The following ABL1 variants were observed in gnomAD, a reference collection of about 807,000 sequenced individuals.
The protein encoded by ABL1 is ABL proto-oncogene 1, non-receptor tyrosine kinase.
Under a neutral mutation model 94.7 loss-of-function variants are expected in ABL1, and 11 were observed. The observed-to-expected ratio is 0.12, with a 90% confidence interval of 0.07 to 0.19. The LOEUF is 0.19. Among genes scored for constraint, ABL1 ranks in the 10% least tolerant of loss-of-function variants. ABL1 has a pLI of 1.00. For synonymous variants in ABL1, 656 were observed against 622.4 expected, an observed-to-expected ratio of 1.05 and a Z score of -0.80; for missense variants, 1,082 against 1,489.4, an observed-to-expected ratio of 0.73 and a Z score of 4.50.
intron 1 of ABL1, among the ~76,000 whole-genome samples, chr9:130,780,324 C>CA (rs1008878955): frequency 1.3e-5 from 2 of 151,670 alleles, no homozygotes; most frequent in East Asian, 1.9e-4. Flanking sequence ...TGAACCACTT[C>CA]AAAAAAAAGC....
intron 1 of ABL1, among the ~76,000 whole-genome samples, chr9:130,764,170 G>T (rs1345667019): frequency 6.6e-6 from 1 of 152,122 alleles, no homozygotes; most frequent in East Asian, 1.9e-4. Flanking sequence ...GGTCAGAGAG[G>T]CCAGGACACA....
Position 130,872,924 on chromosome 9 carries a change from G to A in ABL1, c.972G>A (p.Leu324=), listed in dbSNP as rs1564318931. The A allele has an allele frequency of 1.2e-6, 2 of 1,614,048 alleles. No individual in the cohort carries two copies. The highest frequency in any genetic ancestry group is 1.3e-5 in the African/African-American group (1 of 74,930). The part of the protein sequence containing the change: ...ITEFMTYGNL[L]DYLRECNRQE... ...AGTTCATGACCTACGGGAACCTCCT[G>A]GACTACCTGAGGGAGTGCAACCGGC... Residue 324 remains leucine (L), a synonymous_variant, in exon 6 of 11, where the codon CTG becomes CTA. Coordinates refer to ENST00000318560, the MANE Select transcript of ABL1 (RefSeq NM_005157.6). This position sits in a 1 kb window ranked among gnomAD's most constrained non-coding sequence, Gnocchi z 5.0.
At chr9:130,761,887 A>G (rs2132750633) in intron 1 of ABL1, among the ~76,000 whole-genome samples, 1 of 152,342 alleles carries the variant, frequency 6.6e-6, no homozygotes, top group African/African-American at 2.4e-5. Context: ...TCACACCTGT[A>G]ATCCCAGCAC....
At chr9:130,851,577 A>T (rs1564311264) in intron 1 of ABL1, among the ~76,000 whole-genome samples, 1 of 149,976 alleles carries the variant, frequency 6.7e-6, no homozygotes, top group East Asian at 1.9e-4. Context: ...TTAAAAGATA[A>T]TTTTTTTTTT....
chr9:130,726,644 A>AT (rs1831590159), intron 1 of ABL1, among the ~76,000 whole-genome samples: 8 of 151,906 alleles, frequency 5.3e-5, no homozygotes, highest in Admixed American at 1.3e-4. Context: ...TACTTAAAAA[A>AT]ATTTTTTTTT....
intron 1 of ABL1, among the ~76,000 whole-genome samples, chr9:130,728,478 T>C (rs1195844587): frequency 6.7e-6 from 1 of 149,644 alleles, no homozygotes; most frequent in African/African-American, 2.5e-5. Context: ...CTCCACCTCC[T>C]GGGTTCATGC....
intron 3 of ABL1, among the ~76,000 whole-genome samples, chr9:130,855,747 C>A (rs1258841430): frequency 2.0e-5 from 3 of 152,122 alleles, no homozygotes; most frequent in South Asian, 2.1e-4. Context: ...TGAGGTATTG[C>A]TATAATACCT....
chr9:130,761,003 A>C (rs1832107149), intron 1 of ABL1, among the ~76,000 whole-genome samples: 1 of 126,012 alleles, frequency 7.9e-6, no homozygotes, highest in South Asian at 2.5e-4. Context: ...GCTGGAGTGC[A>C]GTGGTGCAAT....
At chr9:130,739,959 T>C (rs1251238047) in intron 1 of ABL1, among the ~76,000 whole-genome samples, 1 of 151,940 alleles carries the variant, frequency 6.6e-6, no homozygotes, top group Non-Finnish European at 1.5e-5. Context: ...ATCAGAAGAG[T>C]TGCTAAGTTA....
At chr9:130,838,442 C>CTTTTTTTT (rs1429355199) in intron 1 of ABL1, among the ~76,000 whole-genome samples, 1 of 152,094 alleles carries the variant, frequency 6.6e-6, no homozygotes, top group Non-Finnish European at 1.5e-5. Flanking sequence ...TATAAAAATA[C>CTTTTTTTT]TTGTATGTAA....
At chr9:130,720,427 G>C (rs1166000415) in intron 1 of ABL1, among the ~76,000 whole-genome samples, 1 of 152,134 alleles carries the variant, frequency 6.6e-6, no homozygotes. Context: ...CAGGCCGAGG[G>C]AACCAGGATG....
chr9:130,885,417 A>G lies in ABL1; in HGVS notation c.3127A>G (p.Ile1043Val), dbSNP rs138480160. ...CAGCACCGAGGCGCTGTGCCTCGCC[A>G]TCTCTAGGAACTCCGAGCAGATGGC... is the stretch of plus-strand genomic sequence containing the variant. ...LDSTEALCLA[I>V]SRNSEQMASH... is the part of the protein sequence containing the mutation. The change falls in exon 11 of 11, where the codon ATC becomes GTC. Residue 1043 changes from isoleucine to valine, a missense_variant. Coordinates refer to ENST00000318560, the MANE Select transcript of ABL1 (RefSeq NM_005157.6). 112 of 1,613,682 alleles carry G rather than the reference A, an allele frequency of 6.9e-5. No individual in the cohort carries two copies. Among genetic ancestry groups the G allele is most frequent in the African/African-American group, 4.0e-5 (3 of 75,054 alleles).
intron 1 of ABL1, among the ~76,000 whole-genome samples, chr9:130,760,467 G>A (rs112767044): frequency 1.3e-5 from 2 of 152,186 alleles, no homozygotes; most frequent in East Asian, 1.9e-4. Context: ...AGATGTCAAG[G>A]GTTTTTGAAA....
intron 1 of ABL1, among the ~76,000 whole-genome samples, chr9:130,842,117 G>A (rs1342962199): frequency 6.6e-6 from 1 of 151,678 alleles, no homozygotes; most frequent in Non-Finnish European, 1.5e-5. Flanking sequence ...GCTGGGGTGG[G>A]TGGGTACAGA....
intron 1 of ABL1, among the ~76,000 whole-genome samples, chr9:130,800,131 C>G (rs774676675): frequency 1.4e-4 from 22 of 152,220 alleles, no homozygotes; most frequent in South Asian, 1.0e-3. Context: ...CTCAGCCTTC[C>G]AAAGTGCTGG....
At chr9:130,858,241 A>G (rs1436266774) in intron 3 of ABL1, among the ~76,000 whole-genome samples, 1 of 152,006 alleles carries the variant, frequency 6.6e-6, no homozygotes, top group Non-Finnish European at 1.5e-5. Context: ...TCAAATGGGC[A>G]AGGAAAGGCC....
intron 1 of ABL1, among the ~76,000 whole-genome samples, chr9:130,737,270 T>C (rs1302889407): frequency 6.6e-6 from 1 of 152,174 alleles, no homozygotes; most frequent in African/African-American, 2.4e-5. Flanking sequence ...ATTTATTTTA[T>C]TTATGTATTT....
intron 1 of ABL1, among the ~76,000 whole-genome samples, chr9:130,800,655 A>C (rs1205822503): frequency 1.3e-5 from 2 of 152,124 alleles, no homozygotes; most frequent in Non-Finnish European, 2.9e-5. Flanking sequence ...AAAATCATAG[A>C]CTTTTGTATT....
Position 130,862,671 on chromosome 9 carries a change from G to A in ABL1, c.550-92G>A. ...AGCTCCTTATGTGAGATTTTGCTGT[G>A]TAGTGAATTAAGGCTCAGCCAAACT... On this transcript the variant is annotated intron_variant, in intron 3 of 10. Transcript: ENST00000318560. This position sits in a 1 kb window ranked among gnomAD's most constrained non-coding sequence, Gnocchi z 5.5. 3 of 1,417,346 alleles carry A rather than the reference G, an allele frequency of 2.1e-6. No homozygotes were observed. The highest frequency in any genetic ancestry group is 2.9e-6 in the Non-Finnish European group (3 of 1,044,182). The allele number at this position is 1,417,346 out of a possible 1,614,324, so 87.8% of individuals were successfully genotyped here. A position where few individuals can be genotyped will look rare whatever the true frequency, so the allele number is the denominator to read the frequency against.
Sources: gnomAD v4.1 joint callset for allele counts (sites outside exome capture counted in the v4.1 genomes callset) on GRCh38, gnomAD v4.1.1 for gene constraint, Gnocchi (gnomAD v3.1) non-coding constraint, MANE v1.5 for transcripts, NCBI Gene and HGNC (gene_info 2026-07-23, HGNC 2026-07-21) for gene names.